RIMS2: variants seen among roughly 807,000 people sequenced by gnomAD.
RIMS2 encodes regulating synaptic membrane exocytosis protein 2.
A neutral mutation model predicts 174.4 loss-of-function variants in RIMS2; 59 were observed. The observed-to-expected ratio is 0.34, with a 90% CI of 0.27 to 0.42. The LOEUF (loss-of-function observed/expected upper bound fraction) is 0.42. Among genes scored for constraint, RIMS2 ranks in the 10% least tolerant of loss-of-function variants. RIMS2 has a pLI of 1.00. For synonymous variants in RIMS2, 606 were observed against 572.5 expected, an observed-to-expected ratio of 1.06 and a Z score of -0.84; for missense variants, 1,620 against 1,666.3, an observed-to-expected ratio of 0.97 and a Z score of 0.48.
intron 2 of RIMS2, among the ~76,000 whole-genome samples, chr8:103,758,107 T>TTTTAGATAGCTATCTAGAGTTAGATAGAC (rs1401419136): frequency 1.2e-4 from 18 of 152,142 alleles, no homozygotes; most frequent in Non-Finnish European, 2.5e-4. Flanking sequence ...TTTGAATAAG[T>TTTTAGATAGCTATCTAGAGTTAGATAGAC]TTTAGATAGC....
At chr8:103,773,355 T>A (rs972501101) in intron 3 of RIMS2, among the ~76,000 whole-genome samples, 1 of 152,222 alleles carries the variant, frequency 6.6e-6, no homozygotes, top group Non-Finnish European at 1.5e-5. Flanking sequence ...GAAATTGGAA[T>A]AAGCTGTTTA....
At position 103,652,722 on chromosome 8, in the gene RIMS2, G is replaced by T; in HGVS notation, c.177-44364G>T. 1 of 1,304,914 alleles carries T rather than the reference G, an allele frequency of 7.7e-7. No homozygotes were observed. Among genetic ancestry groups the T allele is most frequent in the Non-Finnish European group, 1.0e-6 (1 of 982,316 alleles). The allele number at this position is 1,304,914 out of a possible 1,614,324, so 80.8% of individuals were successfully genotyped here. On this transcript the variant is annotated intron_variant, in intron 1 of 23. Transcript: ENST00000504942. ...AAGGAGCCCCAGACGTAAGTAAGCT[G>T]ATCTATATAGACTAAATATTATCTC...
chr8:103,529,330 G>A (rs561990217), intron 1 of RIMS2, among the ~76,000 whole-genome samples: 3 of 152,304 alleles, frequency 2.0e-5, no homozygotes, highest in Admixed American at 1.3e-4. Flanking sequence ...GCAATGGCGG[G>A]TGCCCCTCCC....
intron 1 of RIMS2, among the ~76,000 whole-genome samples, chr8:103,656,917 C>T (rs963762744): frequency 6.6e-6 from 1 of 152,104 alleles, no homozygotes; most frequent in African/African-American, 2.4e-5. Context: ...CTGGGAGTAC[C>T]ATCAAGCTCT....
intron 3 of RIMS2, among the ~76,000 whole-genome samples, chr8:103,804,493 C>T (rs1027038621): frequency 2.0e-5 from 3 of 152,036 alleles, no homozygotes; most frequent in African/African-American, 7.2e-5. Flanking sequence ...ATATGGAACA[C>T]TCAGCTTCCT....
chr8:103,525,456 A>T (rs1433884702), intron 1 of RIMS2, among the ~76,000 whole-genome samples: 2 of 152,188 alleles, frequency 1.3e-5, no homozygotes, highest in Non-Finnish European at 2.9e-5. Flanking sequence ...GTTTGTATGG[A>T]TCAGCTTCAC....
chr8:104,086,266 G>GTT (rs377670155), intron 19 of RIMS2, among the ~76,000 whole-genome samples: 3,367 of 112,700 alleles, frequency 0.03, 155 homozygotes, highest in African/African-American at 0.1. Context: ...GTTCTGGTGG[G>GTT]TTTTTTTTTT....
intron 19 of RIMS2, among the ~76,000 whole-genome samples, chr8:104,138,741 C>T (rs1053597641): frequency 4.0e-5 from 6 of 151,874 alleles, no homozygotes; most frequent in African/African-American, 1.5e-4. Context: ...TTGTTGTTTC[C>T]TTTGCTGTGG....
chr8:103,751,732 G>T (rs1356994501), intron 2 of RIMS2, among the ~76,000 whole-genome samples: 2 of 150,870 alleles, frequency 1.3e-5, no homozygotes, highest in Non-Finnish European at 3.0e-5. Context: ...TTTTTTGGCT[G>T]CATAAATGTC....
intron 16 of RIMS2, chr8:103,977,112 A>G (rs1305708899): frequency 6.6e-6 from 1 of 152,208 alleles, no homozygotes; most frequent in Non-Finnish European, 1.5e-5. Flanking sequence ...ATTGAGTCTT[A>G]ATTTTACACA....
At chr8:103,920,888 A>G (rs1479862425) in intron 9 of RIMS2, 1 of 333,040 alleles carries the variant, frequency 3.0e-6, no homozygotes, top group East Asian at 9.6e-5. Flanking sequence ...AGTCCCAGCT[A>G]CTTGGGAGGC....
At chr8:104,231,888 C>A (rs1035585401) in intron 19 of RIMS2, among the ~76,000 whole-genome samples, 25 of 152,162 alleles carry the variant, frequency 1.6e-4, no homozygotes, top group Non-Finnish European at 4.4e-5. Context: ...CACTAGCCAC[C>A]TTTCAGGTGT....
At chr8:103,833,657 A>G in intron 3 of RIMS2, among the ~76,000 whole-genome samples, 1 of 152,138 alleles carries the variant, frequency 6.6e-6, no homozygotes, top group Middle Eastern at 3.4e-3. Flanking sequence ...GTGAATTATT[A>G]ATTTCCAATA....
At chr8:103,542,411 A>T (rs1424468848) in intron 1 of RIMS2, among the ~76,000 whole-genome samples, 1 of 152,220 alleles carries the variant, frequency 6.6e-6, no homozygotes, top group Non-Finnish European at 1.5e-5. Flanking sequence ...CTAAACATGT[A>T]AAGAAGAACT....
chr8:103,624,527 A>G (rs1230585948), intron 1 of RIMS2, among the ~76,000 whole-genome samples: 2 of 152,184 alleles, frequency 1.3e-5, no homozygotes, highest in Non-Finnish European at 2.9e-5. Flanking sequence ...CTCCCTTTAT[A>G]TATATGACAA....
intron 19 of RIMS2, among the ~76,000 whole-genome samples, chr8:104,114,970 T>C (rs1185778874): frequency 2.0e-5 from 3 of 152,080 alleles, no homozygotes; most frequent in East Asian, 1.9e-4. Context: ...TCTTTGTAAA[T>C]TGAAAATAAC....
chr8:103,733,954 G>C (rs1591317504), intron 2 of RIMS2, among the ~76,000 whole-genome samples: 1 of 150,758 alleles, frequency 6.6e-6, no homozygotes, highest in Admixed American at 6.6e-5. Flanking sequence ...TGTTTCTATG[G>C]TGGGAATGAT....
At chr8:103,540,422 C>A (rs1340708395) in intron 1 of RIMS2, among the ~76,000 whole-genome samples, 1 of 152,190 alleles carries the variant, frequency 6.6e-6, no homozygotes, top group Non-Finnish European at 1.5e-5. Flanking sequence ...GCTGCCAGAG[C>A]TGCACAGAGA....
chr8:103,890,536 T>C (rs1240677951), intron 4 of RIMS2, among the ~76,000 whole-genome samples: 1 of 152,066 alleles, frequency 6.6e-6, no homozygotes, highest in African/African-American at 2.4e-5. Flanking sequence ...TAGTTGTATT[T>C]ACTGATTTTT....
Sources: allele counts gnomAD v4.1 joint callset (sites outside exome capture counted in the v4.1 genomes callset), GRCh38; gene constraint gnomAD v4.1.1; transcripts MANE v1.5; gene names NCBI Gene and HGNC (gene_info 2026-07-23, HGNC 2026-07-21).